GRIN3A: variants seen among roughly 807,000 people sequenced by gnomAD.
GRIN3A encodes glutamate ionotropic receptor NMDA type subunit 3A, also known as glutamate receptor ionotropic, NMDA 3A.
A neutral mutation model predicts 92.4 loss-of-function variants in GRIN3A; 47 were observed. That is an observed-to-expected ratio of 0.51 (90% CI 0.40 to 0.65). GRIN3A has a LOEUF of 0.65. Ranked by LOEUF, GRIN3A falls within the 30% of genes least tolerant of loss-of-function variation. The pLI, the probability that GRIN3A is intolerant of heterozygous loss-of-function variation, is 0.00. For synonymous variants in GRIN3A, 527 were observed against 540.6 expected (o/e 0.97, Z 0.35); for missense variants, 1,324 against 1,393.1 (o/e 0.95, Z 0.79).
At chr9:101,622,884 A>AG (rs1828576796) in intron 5 of GRIN3A, among the ~76,000 whole-genome samples, 3 of 152,002 alleles carry the variant, frequency 2.0e-5, no homozygotes, top group African/African-American at 7.2e-5. Context: ...TTTGGCTGTT[A>AG]GAAAATACAG....
chr9:101,673,818 G>T (rs956740073), intron 2 of GRIN3A, among the ~76,000 whole-genome samples: 2 of 152,180 alleles, frequency 1.3e-5, no homozygotes, highest in Non-Finnish European at 2.9e-5. Flanking sequence ...CAAACTCATT[G>T]GTCTCAAGGA....
chr9:101,587,968 A>G (rs1163701951), intron 6 of GRIN3A, among the ~76,000 whole-genome samples: 3 of 152,182 alleles, frequency 2.0e-5, no homozygotes, highest in Non-Finnish European at 2.9e-5. Flanking sequence ...TGCCCAGAAG[A>G]ATAGTTAGTT....
chr9:101,624,445 G>A (rs1251721718), intron 4 of GRIN3A, among the ~76,000 whole-genome samples: 1 of 140,360 alleles, frequency 7.1e-6, no homozygotes, highest in Admixed American at 8.1e-5. Context: ...TCATTGTTCA[G>A]TTCCCACCTA....
At chr9:101,635,930 G>A (rs987102024) in intron 3 of GRIN3A, among the ~76,000 whole-genome samples, 6 of 152,082 alleles carry the variant, frequency 3.9e-5, no homozygotes, top group Non-Finnish European at 5.9e-5. Context: ...TCACTCTGTC[G>A]CCCAGGCTGG....
chr9:101,577,821 T>A lies in GRIN3A; in HGVS notation c.2955A>T (p.Thr985=). 6.2e-7 allele frequency: 1 copy of A among 1,612,100 alleles called. No homozygotes were observed. Among genetic ancestry groups the A allele is most frequent in the Non-Finnish European group, 8.5e-7 (1 of 1,178,858 alleles). ...GCTGCTGCTTTTCCTCTATAAATGA[T>A]GTATTTATTGCTCTGTGTAATCTCT... ...TSQRLHRAIN[T]SFIEEKQQHF... is the part of the protein sequence containing the mutation. Residue 985 remains threonine, a synonymous_variant, in exon 8 of 9, where the codon ACA becomes ACT. Transcript: ENST00000361820.
intron 6 of GRIN3A, among the ~76,000 whole-genome samples, chr9:101,606,101 A>G (rs1828277262): frequency 6.6e-6 from 1 of 152,190 alleles, no homozygotes; most frequent in Admixed American, 6.5e-5. Context: ...GTGCAAGGGC[A>G]TGGTCTCTCT....
intron 3 of GRIN3A, among the ~76,000 whole-genome samples, chr9:101,640,742 C>G (rs1391487260): frequency 6.6e-6 from 1 of 152,088 alleles, no homozygotes; most frequent in Non-Finnish European, 1.5e-5. Context: ...CTCATGAGAT[C>G]TGATGGTTTT....
intron 3 of GRIN3A, among the ~76,000 whole-genome samples, chr9:101,659,958 C>T (rs10819973): frequency 0.54 from 82,621 of 151,630 alleles, 22,543 homozygotes; most frequent in African/African-American, 0.58. Context: ...TCAATCTGAA[C>T]TAGCAAAGCC....
chr9:101,684,657 T>G (rs1174146999), intron 2 of GRIN3A, among the ~76,000 whole-genome samples: 1 of 152,164 alleles, frequency 6.6e-6, no homozygotes, highest in East Asian at 1.9e-4. Context: ...GCCAGAAAGA[T>G]CAGTCTGATC....
At chr9:101,583,231 C>T (rs979447539) in intron 6 of GRIN3A, among the ~76,000 whole-genome samples, 2 of 152,192 alleles carry the variant, frequency 1.3e-5, no homozygotes, top group Non-Finnish European at 2.9e-5. Context: ...CTCAAACAAT[C>T]GCCATTTATA....
intron 3 of GRIN3A, among the ~76,000 whole-genome samples, chr9:101,667,229 T>TAA (rs1386533025): frequency 6.6e-6 from 1 of 151,898 alleles, no homozygotes; most frequent in African/African-American, 2.4e-5. Context: ...AATGAATTAC[T>TAA]TGGAGGTAAT....
In GRIN3A at chr9:101,613,386, GC is replaced by G; in HGVS notation, c.2755del (p.Ala919LeufsTer29). Reference sequence around the variant, plus strand: ...ACAGTCTTTCCATACCTCCGTGACAGCAAAACTTCTCTTGCCACAGGGAACC... The same window carrying G: ...ACAGTCTTTCCATACCTCCGTGACAGAAAACTTCTCTTGCCACAGGGAACC... ...RVVPCGKRSFAVTETLQMGIK... is the reference protein window; with the variant it reads ...RVVPCGKRSFXVTETLQMGIK... On this transcript the variant is annotated frameshift_variant, in exon 6 of 9. Coordinates refer to ENST00000361820, the MANE Select transcript of GRIN3A (RefSeq NM_133445.3). LOFTEE classifies it high-confidence loss of function. The G allele has an allele frequency of 6.2e-7, 1 of 1,614,128 alleles. No individual in the cohort carries two copies. Among genetic ancestry groups the G allele is most frequent in the Non-Finnish European group, 8.5e-7 (1 of 1,180,012 alleles).
chr9:101,652,004 C>T (rs1638320670), intron 3 of GRIN3A, among the ~76,000 whole-genome samples: 1 of 151,898 alleles, frequency 6.6e-6, no homozygotes, highest in South Asian at 2.1e-4. Context: ...TCCTACAACT[C>T]TGGAATTATA....
At chr9:101,729,971 T>C (rs1830119893) in intron 1 of GRIN3A, among the ~76,000 whole-genome samples, 1 of 152,202 alleles carries the variant, frequency 6.6e-6, no homozygotes, top group Non-Finnish European at 1.5e-5. Context: ...TCCCTGAGTT[T>C]AGTTCCTCAG....
At chr9:101,661,430 A>G (rs10117029) in intron 3 of GRIN3A, among the ~76,000 whole-genome samples, 51,094 of 151,650 alleles carry the variant, frequency 0.34, 9,486 homozygotes, top group Non-Finnish European at 0.42. Context: ...CCTTCCAGTC[A>G]TGTCCCTTTA....
chr9:101,607,779 G>A (rs1471086925), intron 6 of GRIN3A, among the ~76,000 whole-genome samples: 1 of 152,198 alleles, frequency 6.6e-6, no homozygotes, highest in Non-Finnish European at 1.5e-5. Context: ...AAGCAAAAGG[G>A]ATGGCAAGCG....
intron 6 of GRIN3A, among the ~76,000 whole-genome samples, chr9:101,596,880 A>C (rs1274017161): frequency 6.6e-6 from 1 of 152,246 alleles, no homozygotes; most frequent in African/African-American, 2.4e-5. Context: ...CCTCAGGACC[A>C]GTTATGTAAT....
In GRIN3A at chr9:101,572,952, T is replaced by C. The variant is rs1211945594; in HGVS notation, c.*222A>G. The C allele has an allele frequency of 7.1e-6, 4 of 566,922 alleles. No homozygotes were observed. Among genetic ancestry groups the C allele is most frequent in the East Asian group, 6.1e-5 (2 of 32,944 alleles). 35.1% of individuals were successfully genotyped at this position (566,922 alleles called of 1,614,324 possible). On this transcript the variant is annotated 3_prime_UTR_variant, in exon 9 of 9. Transcript: ENST00000361820. ...CTCTCGCACAGAGCTTACTCCTGACTAAGATTCTTGCTAGAAAAACACTCC... is the reference window on the plus strand; with the variant it reads ...CTCTCGCACAGAGCTTACTCCTGACCAAGATTCTTGCTAGAAAAACACTCC...
At chr9:101,596,647 T>C (rs1564122382) in intron 6 of GRIN3A, among the ~76,000 whole-genome samples, 1 of 152,196 alleles carries the variant, frequency 6.6e-6, no homozygotes, top group Non-Finnish European at 1.5e-5. Context: ...GGGCATGCAC[T>C]GGGGCTGGGA....
Sources: allele counts gnomAD v4.1 joint callset (sites outside exome capture counted in the v4.1 genomes callset), GRCh38; gene constraint gnomAD v4.1.1; transcripts MANE v1.5; gene names NCBI Gene and HGNC (gene_info 2026-07-23, HGNC 2026-07-21).